The following PUDP variants were observed in gnomAD, a reference collection of about 807,000 sequenced individuals.
PUDP encodes the protein pseudouridine-5'-phosphatase.
A neutral mutation model predicts 9.4 loss-of-function variants in PUDP; 8 were observed. The observed-to-expected ratio is 0.85, with a 90% CI of 0.50 to 1.53. The LOEUF (loss-of-function observed/expected upper bound fraction) is 1.53, where lower values mean the gene tolerates loss of function less well. Ranked by LOEUF, PUDP falls within the 40% of genes most tolerant of loss-of-function variation. PUDP has a pLI of 0.00. For synonymous variants in PUDP, 99 were observed against 80.7 expected (o/e 1.23, Z -1.22); for missense variants, 188 against 189.7 (o/e 0.99, Z 0.05).
At chrX:6,995,274 C>CA (rs1384283662) in intron 1 of PUDP, among the ~76,000 whole-genome samples, 2 of 110,853 alleles carry the variant, frequency 1.8e-5, no homozygotes, top group African/African-American at 6.6e-5. Context: ...ATCATGACCA[C>CA]AAAAAAACCC....
intron 1 of PUDP, chrX:6,721,404 A>G (rs1043809635): frequency 5.4e-5 from 6 of 111,906 alleles, no homozygotes; most frequent in Non-Finnish European, 1.1e-4. Flanking sequence ...AGAGCCCAGA[A>G]TATCTCTCTT....
upstream of PUDP, among the ~76,000 whole-genome samples, chrX:6,726,394 T>C (rs1172781414): frequency 9.0e-6 from 1 of 111,347 alleles, no homozygotes; most frequent in Non-Finnish European, 1.9e-5. Flanking sequence ...ATCAATAATT[T>C]AGGGTGTATT....
chrX:7,120,101 T>A (rs936830633), intron 1 of PUDP, among the ~76,000 whole-genome samples: 37 of 101,993 alleles, frequency 3.6e-4, no homozygotes, highest in Non-Finnish European at 8.0e-5. Context: ...GTATCCAGAA[T>A]ACGTAAGGAA....
intron 3 of PUDP, among the ~76,000 whole-genome samples, chrX:6,932,873 C>G (rs1274662927): frequency 9.0e-6 from 1 of 110,795 alleles, no homozygotes; most frequent in Non-Finnish European, 1.9e-5. Flanking sequence ...ATTGCTGGCA[C>G]AGCAGTCTGA....
intron 3 of PUDP, among the ~76,000 whole-genome samples, chrX:6,955,525 C>T (rs947245527): frequency 8.9e-6 from 1 of 111,735 alleles, no homozygotes; most frequent in Non-Finnish European, 1.9e-5. Context: ...ATGTTTCTCT[C>T]AGTGCTAGGA....
intron 2 of PUDP, chrX:7,084,662 G>A (rs1248575162): frequency 1.8e-5 from 2 of 111,125 alleles, no homozygotes; most frequent in Admixed American, 9.6e-5. Context: ...ATCTATGACC[G>A]ATATTGAATG....
chrX:7,135,978 C>A (rs1252726754), intron 1 of PUDP, among the ~76,000 whole-genome samples: 3 of 111,665 alleles, frequency 2.7e-5, no homozygotes, highest in African/African-American at 9.8e-5. Context: ...CATCACACCT[C>A]TCCAATTGTC....
chrX:7,015,913 G>T lies in PUDP; in HGVS notation c.205-37570C>A, dbSNP rs776263914. ...TGTATGGCCAGTTTTTACACAGGAA[G>T]GTAGAGGGAAAATTAGAGTCCGATT... On this transcript the variant is annotated intron_variant and NMD_transcript_variant, in intron 1 of 3. Coordinates refer to the PUDP transcript ENST00000655425. Among the ~76,000 whole-genome samples, 55 of 110,780 alleles carry T rather than the reference G, an allele frequency of 5.0e-4. 1 individual carries two copies. The highest frequency in any genetic ancestry group is 1.8e-3 in the African/African-American group (54 of 30,392).
intron 3 of PUDP, among the ~76,000 whole-genome samples, chrX:6,939,937 T>C (rs1430426793): frequency 1.8e-5 from 2 of 112,399 alleles, no homozygotes; most frequent in Non-Finnish European, 3.8e-5. Context: ...ATCCCATAAA[T>C]ATCTTTTCAA....
chrX:6,862,937 G>A (rs768997575), intron 3 of PUDP, among the ~76,000 whole-genome samples: 3 of 111,567 alleles, frequency 2.7e-5, no homozygotes, highest in African/African-American at 6.5e-5. Context: ...AAATTTTCCC[G>A]TAACCTCATT....
chrX:6,865,508 T>C (rs1268516795), intron 3 of PUDP, among the ~76,000 whole-genome samples: 1 of 112,433 alleles, frequency 8.9e-6, no homozygotes, highest in Admixed American at 9.5e-5. Flanking sequence ...TTTTGGGAAC[T>C]GAACCACAAA....
At chrX:6,943,226 A>G (rs932476306) in intron 3 of PUDP, among the ~76,000 whole-genome samples, 1 of 112,039 alleles carries the variant, frequency 8.9e-6, no homozygotes, top group Non-Finnish European at 1.9e-5. Flanking sequence ...ACTTTCACGT[A>G]TATTTCCAAG....
At chrX:6,938,701 A>G (rs1222126662) in intron 3 of PUDP, among the ~76,000 whole-genome samples, 1 of 108,300 alleles carries the variant, frequency 9.2e-6, no homozygotes, top group Non-Finnish European at 1.9e-5. Context: ...CAAACTGCCT[A>G]TTTTTGGTCA....
intron 1 of PUDP, among the ~76,000 whole-genome samples, chrX:7,126,820 T>G (rs967215815): frequency 9.0e-6 from 1 of 111,704 alleles, no homozygotes; most frequent in African/African-American, 3.3e-5. Flanking sequence ...TACTTGGTTT[T>G]TTTAATTTTT....
At chrX:6,814,384 C>A (rs929549068) in intron 3 of PUDP, among the ~76,000 whole-genome samples, 2 of 111,248 alleles carry the variant, frequency 1.8e-5, no homozygotes, top group African/African-American at 6.5e-5. Flanking sequence ...TATTACCCAT[C>A]CCCATCTCCC....
intron 3 of PUDP, among the ~76,000 whole-genome samples, chrX:6,932,624 T>C (rs896495791): frequency 1.5e-4 from 15 of 98,899 alleles, no homozygotes; most frequent in East Asian, 3.4e-4. Flanking sequence ...TGGGCGCAGG[T>C]CAGTGGGTGC....
At chrX:7,042,822 G>A (rs1929939893) in intron 1 of PUDP, among the ~76,000 whole-genome samples, 1 of 111,789 alleles carries the variant, frequency 8.9e-6, no homozygotes, top group Non-Finnish European at 1.9e-5. Flanking sequence ...TAAGTTAGGT[G>A]CCCAGAGCCG....
At position 7,105,719 on chromosome X, in the gene PUDP, T is replaced by G; in HGVS notation, c.181A>C (p.Ile61Leu). The part of the protein sequence containing the change: ...GKKALEAAQI[I>L]IDVLQLPMSK... The stretch of plus-strand genomic sequence containing the variant: ...ATCGGGAGCTGCAAGACGTCTATTA[T>G]AATCTGTGCCGCCTCTAATGCCTTC... The change falls in exon 2 of 4, where the codon ATA (isoleucine) becomes CTA (leucine). Residue 61 changes from isoleucine (I) to leucine (L), a missense_variant. By Grantham distance (5) the Ile-to-Leu change is conservative. Coordinates refer to ENST00000381077, the MANE Select transcript of PUDP (RefSeq NM_012080.5). 8.3e-7 allele frequency: 1 copy of G among 1,208,656 alleles called. No homozygotes were observed. The highest frequency in any genetic ancestry group is 1.1e-6 in the Non-Finnish European group (1 of 892,937).
At chrX:6,733,728 C>T (rs954528809) in intron 3 of PUDP, among the ~76,000 whole-genome samples, 7 of 100,070 alleles carry the variant, frequency 7.0e-5, no homozygotes, top group Non-Finnish European at 1.4e-4. Flanking sequence ...TGATGAGAAG[C>T]GGGATCCACA....
Sources: gnomAD v4.1 joint callset for allele counts (sites outside exome capture counted in the v4.1 genomes callset) on GRCh38, gnomAD v4.1.1 for gene constraint, MANE v1.5 for transcripts, NCBI Gene and HGNC (gene_info 2026-07-23, HGNC 2026-07-21) for gene names.